Variants in KNDC1 observed in about 807,000 individuals in gnomAD.
The protein encoded by KNDC1 is kinase non-catalytic C-lobe domain-containing protein 1.
In KNDC1, 106 loss-of-function variants were observed where a neutral mutation model predicts 172.8. That is an observed-to-expected ratio of 0.61 (90% CI 0.52 to 0.72). The LOEUF (loss-of-function observed/expected upper bound fraction) is 0.72. Ranked by LOEUF, KNDC1 falls within the 30% of genes least tolerant of loss-of-function variation. The pLI is 0.00. For synonymous variants in KNDC1, 1,083 were observed against 1,062.2 expected (o/e 1.02, Z -0.38); for missense variants, 2,325 against 2,394.5 (o/e 0.97, Z 0.61).
rs1351353060 is a variant in KNDC1, at chr10:133,207,174, C to T, written c.3617C>T (p.Thr1206Ile). ...GAACGCTGGGGCCTGGAGCCCTGCA[C>T]CCTCCCAGTGATCGTGAACATCGCG... ...YAERWGLEPC[T>I]LPVIVNIAAA... Residue 1206 changes from threonine (T) to isoleucine (I), a missense_variant, in exon 20 of 30, where the codon ACC becomes ATC. By Grantham distance (89) the Thr-to-Ile change is moderately conservative. Transcript: ENST00000304613. The T allele has an allele frequency of 6.2e-6, 10 of 1,607,118 alleles. No homozygotes were observed. In the African/African-American group the frequency reaches 6.7e-5, roughly 11 times the overall value.
chr10:133,199,648 C>T, intron 15 of KNDC1, 46 bp downstream of exon 15: 1 of 1,601,510 alleles, frequency 6.2e-7, no homozygotes, highest in Non-Finnish European at 8.5e-7. Flanking sequence ...CCCTGATGCC[C>T]ACTGTGCCTG....
intron 3 of KNDC1, among the ~76,000 whole-genome samples, chr10:133,178,199 G>A (rs1401202784): frequency 6.7e-6 from 1 of 149,800 alleles, no homozygotes; most frequent in Non-Finnish European, 1.5e-5. Context: ...GTGCAGTGTG[G>A]CATGTGTATG....
Position 133,207,132 on chromosome 10 carries a change from G to A in KNDC1, c.3580-5G>A, listed in dbSNP as rs898687414. 84 of 1,579,454 alleles carry A rather than the reference G, an allele frequency of 5.3e-5. No individual in the cohort carries two copies. Among genetic ancestry groups the A allele is most frequent in the East Asian group, 1.6e-4 (7 of 43,106 alleles). ...TGACCAAGCGCCCGTGTCCCGCTCC[G>A]GCAGGTCATGTACGCGGAACGCTGG... On this transcript the variant is annotated splice_region_variant and splice_polypyrimidine_tract_variant and intron_variant, in intron 19 of 29. Coordinates refer to ENST00000304613, the MANE Select transcript of KNDC1 (RefSeq NM_152643.8).
At position 133,185,912 on chromosome 10, in the gene KNDC1, CGG is replaced by C; in HGVS notation, c.626-60_626-59del. The C allele has an allele frequency of 1.6e-5, 7 of 450,614 alleles. 1 individual carries two copies. Among genetic ancestry groups the C allele is most frequent in the Non-Finnish European group, 2.2e-5 (7 of 319,524 alleles). 27.9% of individuals were successfully genotyped at this position (450,614 alleles called of 1,614,324 possible). On this transcript the variant is annotated intron_variant, in intron 5 of 29. Coordinates refer to ENST00000304613, the MANE Select transcript of KNDC1 (RefSeq NM_152643.8). ...GAGGGGTGGGAGGAGAGGGGAGGGG[CGG>C]GAGGAGAGGGGAGGGGCGGGAGGGG...
At position 133,201,559 on chromosome 10, in the gene KNDC1, G is replaced by C; in HGVS notation, c.3048G>C (p.Ser1016=). Residue 1016 remains serine, a synonymous_variant, in exon 17 of 30, where the codon TCG becomes TCC. Transcript: ENST00000304613. The stretch of plus-strand genomic sequence containing the variant: ...GCAGGGCCCCCTGCTCACCCACCTC[G>C]GTGTCGGATGTGGACTCGGACGCAC... The part of the protein sequence containing the change: ...TSSRAPCSPT[S]VSDVDSDALS... The C allele has an allele frequency of 6.2e-7, 1 of 1,612,204 alleles. No individual in the cohort carries two copies. Among genetic ancestry groups the C allele is most frequent in the South Asian group, 1.1e-5 (1 of 90,988 alleles).
Position 133,224,752 on chromosome 10 carries a change from G to C in KNDC1, c.5112G>C (p.Gln1704His). Residue 1704 changes from glutamine to histidine, a missense_variant, in exon 30 of 30, where the codon CAG (glutamine) becomes CAC (histidine). Gln to His is a conservative substitution (Grantham distance 24). Transcript: ENST00000304613. This position sits in a 1 kb window ranked among gnomAD's most constrained non-coding sequence, Gnocchi z 5.4. Reference protein sequence around the residue: ...PDPKLQSYLKQRIARFSGADI... With the variant: ...PDPKLQSYLKHRIARFSGADI... ...CCAAGCTCCAGTCGTACCTCAAGCA[G>C]AGGATTGCCCGCTTCAGCGGTGCCG... is the stretch of plus-strand genomic sequence containing the variant. The C allele has an allele frequency of 1.2e-6, 2 of 1,614,134 alleles. No homozygotes were observed. The highest frequency in any genetic ancestry group is 1.7e-6 in the Non-Finnish European group (2 of 1,180,028).
At chr10:133,218,264 A>G (rs1845507952) in intron 26 of KNDC1, among the ~76,000 whole-genome samples, 2 of 152,228 alleles carry the variant, frequency 1.3e-5, no homozygotes, top group Admixed American at 1.3e-4. Context: ...TGCTCAGAAT[A>G]GGAATCCTGC....
intron 6 of KNDC1, among the ~76,000 whole-genome samples, chr10:133,188,215 C>T (rs1049696547): frequency 6.6e-6 from 1 of 152,186 alleles, no homozygotes; most frequent in African/African-American, 2.4e-5. Flanking sequence ...GCCCTGCCCT[C>T]GGTTCCTCGG....
At chr10:133,196,571 G>A (rs1035729864) in intron 10 of KNDC1, among the ~76,000 whole-genome samples, 6 of 152,208 alleles carry the variant, frequency 3.9e-5, no homozygotes, top group Non-Finnish European at 7.3e-5. Context: ...GACCCTGTGG[G>A]CCTCTCAGGC....
At chr10:133,200,171 C>T (rs996839444) in intron 15 of KNDC1, among the ~76,000 whole-genome samples, 4 of 152,290 alleles carry the variant, frequency 2.6e-5, no homozygotes, top group African/African-American at 9.6e-5. Context: ...AGGCTGCTCC[C>T]GAGTCCCCCC....
At chr10:133,169,877 G>C (rs116528167) in intron 3 of KNDC1, among the ~76,000 whole-genome samples, 1,574 of 152,348 alleles carry the variant, frequency 0.01, 27 homozygotes, top group African/African-American at 0.035. Flanking sequence ...CTCAGCCCAG[G>C]CCGTGCCCGG....
Position 133,218,759 on chromosome 10 carries a change from A to G in KNDC1, c.4678-72A>G, listed in dbSNP as rs116115262. 433 of 1,550,670 alleles carry G rather than the reference A, an allele frequency of 2.8e-4. No individual in the cohort carries two copies. The African/African-American group carries it at 4.9e-3, about 18-fold the overall frequency. ...TTGTGTCTTGGAGCTGGGTGATTTT[A>G]ACAGGTTCTCAAATATTCCCTTTGT... On this transcript the variant is annotated intron_variant, in intron 26 of 29. Coordinates refer to ENST00000304613, the MANE Select transcript of KNDC1 (RefSeq NM_152643.8).
Position 133,160,574 on chromosome 10 carries a change from GC to G in KNDC1, c.102+10del. 2 of 1,559,072 alleles carry G rather than the reference GC, an allele frequency of 1.3e-6. No individual in the cohort carries two copies. Among genetic ancestry groups the G allele is most frequent in the Non-Finnish European group, 1.7e-6 (2 of 1,152,456 alleles). ...CCCACCCTCCCCGAGGACGAGGTGAGCCCCCGGCCCCACTGGGGGGCCCCTT... is the reference window on the plus strand; with the variant it reads ...CCCACCCTCCCCGAGGACGAGGTGAGCCCCGGCCCCACTGGGGGGCCCCTT... On this transcript the variant is annotated splice_donor_region_variant and intron_variant, in intron 1 of 29. Coordinates refer to ENST00000304613, the MANE Select transcript of KNDC1 (RefSeq NM_152643.8).
In KNDC1 at chr10:133,207,398, G is replaced by T. The variant is rs557335358; in HGVS notation, c.3794+47G>T. On this transcript the variant is annotated intron_variant, in intron 20 of 29. Coordinates refer to ENST00000304613, the MANE Select transcript of KNDC1 (RefSeq NM_152643.8). ...CCCGGAAAAGGAGACGTAGCCCGGG[G>T]TGCTGAGAAGAGGGGGGGAACGTGC... 30 of 1,563,846 alleles carry T rather than the reference G, an allele frequency of 1.9e-5. No homozygotes were observed. The South Asian group carries it at 3.2e-4, about 17-fold the overall frequency.
intron 29 of KNDC1, 104 bp downstream of exon 29, chr10:133,220,216 G>A (rs1845558446): frequency 2.9e-6 from 2 of 685,126 alleles, no homozygotes; most frequent in South Asian, 3.1e-5. Context: ...CAGGAGAGGA[G>A]GGGCTCAGGC....
At chr10:133,181,115 A>G (rs944431309) in intron 3 of KNDC1, among the ~76,000 whole-genome samples, 1 of 151,954 alleles carries the variant, frequency 6.6e-6, no homozygotes, top group Non-Finnish European at 1.5e-5. Context: ...GCACCCACAG[A>G]CGCCACACGG....
rs1404540115 is a variant in KNDC1 at position 133,211,549 on chromosome 10, G to C, written c.4036G>C (p.Glu1346Gln). ...GAACAGCGGGCTGCTGGGGAAGCTA[G>C]AGGACTTCATCTCCTCCAAGGTGAC... ...PRNSGLLGKL[E>Q]DFISSKILPL... The change falls in exon 22 of 30, where the codon GAG becomes CAG. Residue 1346 changes from glutamate to glutamine, a missense_variant. Coordinates refer to ENST00000304613, the MANE Select transcript of KNDC1 (RefSeq NM_152643.8). The C allele has an allele frequency of 6.2e-7, 1 of 1,613,910 alleles. No homozygotes were observed. The highest frequency in any genetic ancestry group is 1.3e-5 in the African/African-American group (1 of 75,064).
intron 20 of KNDC1, among the ~76,000 whole-genome samples, chr10:133,210,093 C>G (rs1259964468): frequency 6.6e-6 from 1 of 152,094 alleles, no homozygotes. Context: ...TTCAGAAAGG[C>G]CCTGGTGTTC....
chr10:133,195,533 G>A (rs1160268591), intron 9 of KNDC1, 130 bp from the exon 10 acceptor site: 4 of 804,692 alleles, frequency 5.0e-6, no homozygotes. Flanking sequence ...TGCTGAGGAG[G>A]GGTCTTGAGG....
Sources: allele counts gnomAD v4.1 joint callset (sites outside exome capture counted in the v4.1 genomes callset), GRCh38; gene constraint gnomAD v4.1.1; non-coding constraint Gnocchi (gnomAD v3.1); transcripts MANE v1.5; gene names NCBI Gene and HGNC (gene_info 2026-07-23, HGNC 2026-07-21).